Variants in NPLOC4 observed in about 807,000 individuals in gnomAD.
NPLOC4 encodes the protein NPL4 homolog, ubiquitin recognition factor, also known as nuclear protein localization protein 4 homolog.
NPLOC4 carries 18 observed loss-of-function variants against 80.6 expected under a neutral mutation model. That is an observed-to-expected ratio of 0.22 (90% CI 0.15 to 0.33). NPLOC4 has a LOEUF of 0.33. Among genes scored for constraint, NPLOC4 ranks in the 10% least tolerant of loss-of-function variants. The probability of loss-of-function intolerance (pLI) is 1.00; values close to 1 mark genes in which losing one functional copy is unlikely to be tolerated. For missense variants in NPLOC4, 540 were observed against 786.1 expected (o/e 0.69, Z 3.74); for synonymous variants, 313 against 301.5 (o/e 1.04, Z -0.39).
intron 12 of NPLOC4, among the ~76,000 whole-genome samples, chr17:81,574,443 C>T (rs915885821): frequency 2.6e-5 from 4 of 152,296 alleles, no homozygotes; most frequent in Middle Eastern, 3.4e-3. Context: ...TTTCGCCAGC[C>T]AATCCCTAGG....
intron 12 of NPLOC4, among the ~76,000 whole-genome samples, chr17:81,584,969 T>C (rs532669549): frequency 2.6e-5 from 4 of 151,662 alleles, no homozygotes; most frequent in South Asian, 4.2e-4. Flanking sequence ...CAGGAGTTCA[T>C]GACCAGCCTG....
intron 1 of NPLOC4, among the ~76,000 whole-genome samples, chr17:81,630,866 G>A (rs2035910080): frequency 6.6e-6 from 1 of 151,180 alleles, no homozygotes; most frequent in Admixed American, 6.6e-5. Context: ...GACAAAGTGA[G>A]ACCCTGTCTC....
intron 12 of NPLOC4, among the ~76,000 whole-genome samples, chr17:81,587,348 C>T (rs1213912274): frequency 6.6e-6 from 1 of 151,826 alleles, no homozygotes; most frequent in Admixed American, 6.6e-5. Context: ...CGGAGTCTTG[C>T]TCTGTCACCC....
At chr17:81,592,756 G>A (rs1294061050) in intron 11 of NPLOC4, among the ~76,000 whole-genome samples, 1 of 152,200 alleles carries the variant, frequency 6.6e-6, no homozygotes, top group Non-Finnish European at 1.5e-5. Context: ...GGCCGAGACA[G>A]GCGGATCACT....
At chr17:81,602,435 T>G (rs1033297482) in intron 8 of NPLOC4, among the ~76,000 whole-genome samples, 1 of 151,894 alleles carries the variant, frequency 6.6e-6, no homozygotes, top group Admixed American at 6.6e-5. Flanking sequence ...CCGGGCGCAG[T>G]GGCTCACGCC....
intron 1 of NPLOC4, among the ~76,000 whole-genome samples, chr17:81,631,876 T>C (rs1267565567): frequency 6.6e-6 from 1 of 152,152 alleles, no homozygotes; most frequent in Non-Finnish European, 1.5e-5. Flanking sequence ...CTTGGCTCAC[T>C]GCAACCTCTG....
At chr17:81,560,173 T>C (rs2033805084) in intron 16 of NPLOC4, among the ~76,000 whole-genome samples, 1 of 151,824 alleles carries the variant, frequency 6.6e-6, no homozygotes, top group Admixed American at 6.6e-5. Context: ...ATCCCAGCAC[T>C]TTGGGAGGCC....
intron 7 of NPLOC4, among the ~76,000 whole-genome samples, chr17:81,605,262 C>T (rs1039613560): frequency 4.2e-5 from 6 of 141,964 alleles, no homozygotes; most frequent in African/African-American, 1.3e-4. Flanking sequence ...GCCTGGGCGA[C>T]AGAGCAAAAC....
At chr17:81,608,873 C>T in intron 5 of NPLOC4, 51 bp from the exon 6 acceptor site, 2 of 1,439,582 alleles carry the variant, frequency 1.4e-6, no homozygotes, top group East Asian at 5.0e-5. Flanking sequence ...CCGGTCACTC[C>T]AGGCGCTGAG....
intron 15 of NPLOC4, among the ~76,000 whole-genome samples, chr17:81,566,090 T>C (rs920097476): frequency 6.6e-6 from 1 of 152,164 alleles, no homozygotes; most frequent in African/African-American, 2.4e-5. Flanking sequence ...TCCCAACACT[T>C]TCAGAGGCAG....
chr17:81,576,469 G>A (rs1191680373), intron 12 of NPLOC4, among the ~76,000 whole-genome samples: 1 of 152,160 alleles, frequency 6.6e-6, no homozygotes, highest in African/African-American at 2.4e-5. Flanking sequence ...TGGGGCGTGA[G>A]TGCATGTGGA....
At position 81,558,937 on chromosome 17, in the gene NPLOC4, G is replaced by A. The variant is rs74720380; in HGVS notation, c.*322C>T. ...TGGCAGCATCGGCCCCTCCCTGTGC[G>A]CCCCAATTCCAGGTGCCACGTAGAG... On this transcript the variant is annotated 3_prime_UTR_variant, in exon 17 of 17. Coordinates refer to ENST00000331134, the MANE Select transcript of NPLOC4 (RefSeq NM_017921.4). 1,176 of 239,974 alleles carry A rather than the reference G, an allele frequency of 4.9e-3. 4 individuals are homozygous for A. The highest frequency in any genetic ancestry group is 6.6e-3 in the Middle Eastern group (5 of 752). The allele number at this position is 239,974 out of a possible 1,614,324, so 14.9% of individuals were successfully genotyped here. A position where few individuals can be genotyped will look rare whatever the true frequency, so the allele number is the denominator to read the frequency against.
rs571224679 is a variant in NPLOC4 at position 81,623,824 on chromosome 17, A to G, written c.97-1546T>C. Among the ~76,000 whole-genome samples, 4 of 152,192 alleles carry G rather than the reference A, an allele frequency of 2.6e-5. No individual in the cohort carries two copies. The South Asian group carries it at 6.2e-4, about 24-fold the overall frequency. ...AAAAAAAAAACAAAACTCAATTCCAATTCTGAAACCTAACACAGAATGGTG... is the reference window on the plus strand; with the variant it reads ...AAAAAAAAAACAAAACTCAATTCCAGTTCTGAAACCTAACACAGAATGGTG... On this transcript the variant is annotated intron_variant, in intron 2 of 16. Transcript: ENST00000331134.
chr17:81,559,757 G>A (rs1189722455), intron 16 of NPLOC4, among the ~76,000 whole-genome samples: 1 of 137,944 alleles, frequency 7.2e-6, no homozygotes, highest in Non-Finnish European at 1.5e-5. Context: ...TTCTGAGGTA[G>A]GGTCTTGCTC....
intron 3 of NPLOC4, among the ~76,000 whole-genome samples, chr17:81,618,853 T>C (rs1236682512): frequency 6.6e-6 from 1 of 152,230 alleles, no homozygotes; most frequent in Admixed American, 6.5e-5. Context: ...CATTTTGTTC[T>C]GTACTAAGAA....
At position 81,624,460 on chromosome 17, in the gene NPLOC4, A is replaced by G. The variant is rs544373647; in HGVS notation, c.97-2182T>C. On this transcript the variant is annotated intron_variant, in intron 2 of 16. Transcript: ENST00000331134. ...AAACAAAGACAAAAATTAGCCAGGC[A>G]TGGTGGTGCACGCCTACAGTCCCAG... Among the ~76,000 whole-genome samples, 10 of 152,162 alleles carry G rather than the reference A, an allele frequency of 6.6e-5. No individual in the cohort carries two copies. The South Asian group carries it at 1.9e-3, about 28-fold the overall frequency.
rs561663648 is a variant in NPLOC4 at position 81,613,170 on chromosome 17, T to C, written c.386+148A>G. The stretch of plus-strand genomic sequence containing the variant: ...ACCGATAAAAAGCTAACAAGATAAC[T>C]TGAAGTTTAATCTGAAGATAGTAAA... On this transcript the variant is annotated intron_variant, in intron 4 of 16. Transcript: ENST00000331134. The C allele has an allele frequency of 2.6e-4, 158 of 603,508 alleles. No individual in the cohort carries two copies. The African/African-American group carries it at 2.8e-3, about 11-fold the overall frequency. The allele number at this position is 603,508 out of a possible 1,614,324, so 37.4% of individuals were successfully genotyped here. A position where few individuals can be genotyped will look rare whatever the true frequency, so the allele number is the denominator to read the frequency against.
intron 2 of NPLOC4, among the ~76,000 whole-genome samples, chr17:81,622,678 G>A (rs1390312027): frequency 2.0e-5 from 3 of 152,016 alleles, no homozygotes; most frequent in East Asian, 3.9e-4. Context: ...AGCCTCCCAA[G>A]TAGCTGGGAT....
At position 81,577,684 on chromosome 17, in the gene NPLOC4, G is replaced by A. The variant is rs7406680; in HGVS notation, c.1282-5596C>T. Among the ~76,000 whole-genome samples the A allele has an allele frequency of 0.14, 21,737 of 152,116 alleles. 1,829 individuals are homozygous for A. Among genetic ancestry groups the A allele is most frequent in the Admixed American group, 0.23 (3,515 of 15,268 alleles). The stretch of plus-strand genomic sequence containing the variant: ...GTCCTGCTCCATCTTCAAACTCTGC[G>A]TGCTGGCACCTGGACTCACCATCCT... On this transcript the variant is annotated intron_variant, in intron 12 of 16. Coordinates refer to ENST00000331134, the MANE Select transcript of NPLOC4 (RefSeq NM_017921.4). This position sits in a 1 kb window ranked among gnomAD's most constrained non-coding sequence, Gnocchi z 4.3.
Sources: gnomAD v4.1 joint callset for allele counts (sites outside exome capture counted in the v4.1 genomes callset) on GRCh38, gnomAD v4.1.1 for gene constraint, Gnocchi (gnomAD v3.1) non-coding constraint, MANE v1.5 for transcripts, NCBI Gene and HGNC (gene_info 2026-07-23, HGNC 2026-07-21) for gene names.